The following SND1 variants were observed in gnomAD, a reference collection of about 807,000 sequenced individuals.
SND1 encodes staphylococcal nuclease domain-containing protein 1.
A neutral mutation model predicts 121.7 loss-of-function variants in SND1; 38 were observed. The ratio of observed to expected loss-of-function variants is 0.31; its 90% CI spans 0.24 to 0.41. The LOEUF (loss-of-function observed/expected upper bound fraction) is 0.41. Among genes scored for constraint, SND1 ranks in the 10% least tolerant of loss-of-function variants. The pLI is 1.00. For missense variants in SND1, 868 were observed against 1,184.6 expected (o/e 0.73, Z 3.92); for synonymous variants, 401 against 447.4 (o/e 0.90, Z 1.31).
intron 10 of SND1, among the ~76,000 whole-genome samples, chr7:127,770,257 G>A (rs1797491155): frequency 6.6e-6 from 1 of 152,140 alleles, no homozygotes; most frequent in Non-Finnish European, 1.5e-5. Context: ...AAAAGTAAAT[G>A]GGGATGGTGG....
At chr7:127,681,002 G>A (rs1019515647) in intron 1 of SND1, among the ~76,000 whole-genome samples, 2 of 152,026 alleles carry the variant, frequency 1.3e-5, no homozygotes, top group African/African-American at 4.8e-5. Flanking sequence ...CTCCGTTCGG[G>A]GTGCCTGACT....
chr7:127,708,382 C>T (rs1796240132), intron 9 of SND1, among the ~76,000 whole-genome samples: 1 of 147,366 alleles, frequency 6.8e-6, no homozygotes, highest in South Asian at 2.2e-4. Flanking sequence ...TTTCTTCCTT[C>T]CTTCCTTCTT....
At chr7:127,731,351 C>T (rs1308228701) in intron 10 of SND1, among the ~76,000 whole-genome samples, 3 of 152,238 alleles carry the variant, frequency 2.0e-5, no homozygotes, top group Non-Finnish European at 2.9e-5. Flanking sequence ...GACTTGACAT[C>T]GCTCAAAGCA....
At chr7:127,851,813 A>G (rs948131879) in intron 12 of SND1, among the ~76,000 whole-genome samples, 2 of 152,154 alleles carry the variant, frequency 1.3e-5, no homozygotes, top group Admixed American at 6.6e-5. Flanking sequence ...TTCTTAGTTT[A>G]TGAATACAAT....
intron 16 of SND1, among the ~76,000 whole-genome samples, chr7:128,019,009 C>T (rs1157138971): frequency 6.6e-6 from 1 of 152,188 alleles, no homozygotes; most frequent in Non-Finnish European, 1.5e-5. Flanking sequence ...CTTATTACCA[C>T]ATTTCACATC....
intron 16 of SND1, among the ~76,000 whole-genome samples, chr7:127,991,986 G>A (rs537763691): frequency 3.9e-5 from 6 of 152,320 alleles, no homozygotes; most frequent in Non-Finnish European, 8.8e-5. Context: ...GGCCTTGAGA[G>A]AAGTGTTGGT....
chr7:127,914,353 G>C (rs1353627984), intron 14 of SND1, among the ~76,000 whole-genome samples: 1 of 152,112 alleles, frequency 6.6e-6, no homozygotes, highest in African/African-American at 2.4e-5. Flanking sequence ...CTTCTCCCCT[G>C]CTGGCCATGC....
chr7:127,720,646 G>C (rs1796478379), intron 9 of SND1, among the ~76,000 whole-genome samples: 1 of 152,166 alleles, frequency 6.6e-6, no homozygotes, highest in African/African-American at 2.4e-5. Context: ...CTGTGTTACT[G>C]ATCTTGGGTT....
At chr7:128,064,298 A>G (rs113125247) in intron 16 of SND1, among the ~76,000 whole-genome samples, 2,081 of 152,262 alleles carry the variant, frequency 0.014, 40 homozygotes, top group African/African-American at 0.047. Flanking sequence ...GCATCTGACC[A>G]TGGTGCTGCA....
At position 128,092,215 on chromosome 7, in the gene SND1, C is replaced by T. The variant is rs956279965; in HGVS notation, c.*157C>T. 5 of 759,222 alleles carry T rather than the reference C, an allele frequency of 6.6e-6. No homozygotes were observed. The highest frequency in any genetic ancestry group is 1.7e-5 in the African/African-American group (1 of 57,300). 47.0% of individuals were successfully genotyped at this position (759,222 alleles called of 1,614,324 possible). On this transcript the variant is annotated 3_prime_UTR_variant, in exon 24 of 24. Transcript: ENST00000354725. This position sits in a 1 kb window ranked among gnomAD's most constrained non-coding sequence, Gnocchi z 4.9. ...GTCTCGTGGGGTGGCATCGGGGCTGCGGGGTGGGGACCCCAAGGCTTTCTG... is the reference window on the plus strand; with the variant it reads ...GTCTCGTGGGGTGGCATCGGGGCTGTGGGGTGGGGACCCCAAGGCTTTCTG...
chr7:127,854,541 T>TTTATTTAG (rs1163984435), intron 12 of SND1, among the ~76,000 whole-genome samples: 2 of 50,388 alleles, frequency 4.0e-5, no homozygotes, highest in African/African-American at 9.7e-5. Context: ...TAGCATTCTA[T>TTTATTTAG]TTATTTATTT....
At chr7:127,904,260 C>T (rs1177248464) in intron 13 of SND1, 1 of 152,412 alleles carries the variant, frequency 6.6e-6, no homozygotes, top group African/African-American at 2.4e-5. Flanking sequence ...TGTTACATGA[C>T]TTTTCTCTAC....
chr7:127,947,883 T>A (rs999226243), intron 15 of SND1, among the ~76,000 whole-genome samples: 2 of 152,214 alleles, frequency 1.3e-5, no homozygotes, highest in Non-Finnish European at 2.9e-5. Context: ...AGTTGTTTTA[T>A]TGGCCCCAGA....
At chr7:127,879,913 G>C (rs1282771463) in intron 12 of SND1, among the ~76,000 whole-genome samples, 4 of 152,178 alleles carry the variant, frequency 2.6e-5, no homozygotes, top group African/African-American at 9.6e-5. Context: ...ATAAATATAT[G>C]TGTGTGCATG....
chr7:127,684,948 TTTGA>T (rs1795787442), intron 1 of SND1, among the ~76,000 whole-genome samples: 1 of 152,158 alleles, frequency 6.6e-6, no homozygotes, highest in Admixed American at 6.5e-5. Flanking sequence ...TACAATATTG[TTTGA>T]TAGAATTTCC....
chr7:127,801,802 G>C (rs537367738), intron 10 of SND1, among the ~76,000 whole-genome samples: 1 of 152,124 alleles, frequency 6.6e-6, no homozygotes, highest in East Asian at 1.9e-4. Context: ...ATAGTGTGGG[G>C]TTTAGGATTG....
intron 2 of SND1, chr7:127,692,663 A>C (rs1317133391): frequency 6.6e-6 from 1 of 152,214 alleles, no homozygotes; most frequent in Non-Finnish European, 1.5e-5. Flanking sequence ...TCTCTTCTTA[A>C]CTAATATCTT....
chr7:127,652,758 A>T (rs1795144612), intron 1 of SND1, among the ~76,000 whole-genome samples: 2 of 152,226 alleles, frequency 1.3e-5, no homozygotes, highest in Admixed American at 1.3e-4. Context: ...ATTCGTTGAT[A>T]TCTGTCCTCC....
At chr7:127,705,497 T>C (rs964038226) in intron 8 of SND1, among the ~76,000 whole-genome samples, 5 of 152,154 alleles carry the variant, frequency 3.3e-5, no homozygotes, top group Non-Finnish European at 7.4e-5. Flanking sequence ...AAAGCAGATA[T>C]AGGAATAACT....
Sources: gnomAD v4.1 joint callset for allele counts (sites outside exome capture counted in the v4.1 genomes callset) on GRCh38, gnomAD v4.1.1 for gene constraint, Gnocchi (gnomAD v3.1) non-coding constraint, MANE v1.5 for transcripts, NCBI Gene and HGNC (gene_info 2026-07-23, HGNC 2026-07-21) for gene names.